DPH6: variants seen among roughly 807,000 people sequenced by gnomAD.
DPH6 encodes diphthine--ammonia ligase.
In DPH6, 33 loss-of-function variants were observed where a neutral mutation model predicts 38.2. The observed-to-expected ratio is 0.86, with a 90% CI of 0.65 to 1.15. The LOEUF is 1.15. Ranked by LOEUF, DPH6 falls within the 50% of genes most tolerant of loss-of-function variation. The pLI is 0.00. For missense variants in DPH6, 325 were observed against 320.0 expected, an observed-to-expected ratio of 1.02 and a Z score of -0.12; for synonymous variants, 108 against 103.0, an observed-to-expected ratio of 1.05 and a Z score of -0.30.
intron 3 of DPH6, among the ~76,000 whole-genome samples, chr15:35,255,914 T>C (rs1003579586): frequency 6.6e-6 from 1 of 152,140 alleles, no homozygotes; most frequent in Admixed American, 6.5e-5. Context: ...AACACACACA[T>C]CATATGTGCA....
the DPH6 span, among the ~76,000 whole-genome samples, chr15:35,146,763 T>C: frequency 6.6e-6 from 1 of 152,178 alleles, no homozygotes; most frequent in Non-Finnish European, 1.5e-5. Flanking sequence ...TATTCATATA[T>C]GGAACCTCTA....
intron 5 of DPH6, among the ~76,000 whole-genome samples, chr15:35,434,823 G>C (rs2053676153): frequency 6.6e-6 from 1 of 152,080 alleles, no homozygotes; most frequent in African/African-American, 2.4e-5. Context: ...GCCCAGGCTG[G>C]AGTGCAGTGG....
chr15:35,241,917 C>A (rs1227747137), intron 3 of DPH6, among the ~76,000 whole-genome samples: 1 of 144,110 alleles, frequency 6.9e-6, no homozygotes, highest in Non-Finnish European at 1.5e-5. Context: ...AGGATCTATG[C>A]CTTATCAACC....
intron 3 of DPH6, among the ~76,000 whole-genome samples, chr15:35,266,660 G>T (rs763568051): frequency 2.6e-5 from 4 of 152,172 alleles, no homozygotes; most frequent in Non-Finnish European, 5.9e-5. Flanking sequence ...AAAGGAGGTA[G>T]AACAGGCTAT....
At chr15:35,508,694 C>G (rs763644330) in intron 3 of DPH6, among the ~76,000 whole-genome samples, 1 of 152,088 alleles carries the variant, frequency 6.6e-6, no homozygotes, top group Admixed American at 6.6e-5. Context: ...TACTGCCGAA[C>G]AAAACATCTT....
chr15:35,498,063 G>T (rs2054579858), intron 3 of DPH6, among the ~76,000 whole-genome samples: 1 of 152,126 alleles, frequency 6.6e-6, no homozygotes, highest in African/African-American at 2.4e-5. Context: ...AGGTTGAGCA[G>T]ACTATTATGC....
intron 3 of DPH6, among the ~76,000 whole-genome samples, chr15:35,355,615 C>A (rs1311450535): frequency 1.3e-5 from 2 of 152,162 alleles, no homozygotes; most frequent in Non-Finnish European, 2.9e-5. Context: ...ATATTGGCCC[C>A]CACTCTCTTC....
chr15:35,254,708 G>A (rs1243646951), intron 3 of DPH6, among the ~76,000 whole-genome samples: 2 of 152,178 alleles, frequency 1.3e-5, no homozygotes, highest in African/African-American at 2.4e-5. Context: ...AACAGGCTTC[G>A]TGTGAGCAAT....
intron 4 of DPH6, among the ~76,000 whole-genome samples, chr15:35,452,960 C>T (rs1006249492): frequency 6.6e-6 from 1 of 152,116 alleles, no homozygotes; most frequent in African/African-American, 2.4e-5. Context: ...GAAGAAAAAA[C>T]TTTTTGTCCA....
intron 3 of DPH6, among the ~76,000 whole-genome samples, chr15:35,285,869 T>G (rs1340144632): frequency 1.5e-5 from 2 of 132,100 alleles, no homozygotes; most frequent in Non-Finnish European, 3.2e-5. Context: ...ATTTTATCTT[T>G]GAGTTTTTTT....
intron 7 of DPH6, among the ~76,000 whole-genome samples, chr15:35,376,688 A>T (rs186343055): frequency 9.9e-5 from 15 of 152,154 alleles, no homozygotes; most frequent in Admixed American, 4.6e-4. Flanking sequence ...CATTTAAAAA[A>T]TTTTTTATAT....
intron 3 of DPH6, among the ~76,000 whole-genome samples, chr15:35,259,144 CAAA>C (rs3028681): frequency 2.9e-3 from 388 of 133,806 alleles, no homozygotes; most frequent in African/African-American, 5.0e-3. Context: ...GACTCCGTCT[CAAA>C]AAAAAAAAAA....
chr15:35,517,851 AT>A (rs1288920635), intron 3 of DPH6, among the ~76,000 whole-genome samples: 2 of 150,122 alleles, frequency 1.3e-5, no homozygotes, highest in East Asian at 3.9e-4. Context: ...TCATTGTGGT[AT>A]ATAACAGCTT....
At chr15:35,431,743 A>G (rs1465101477) in intron 5 of DPH6, among the ~76,000 whole-genome samples, 1 of 150,890 alleles carries the variant, frequency 6.6e-6, no homozygotes, top group Non-Finnish European at 1.5e-5. Flanking sequence ...CATAAAAAGC[A>G]GAGAGTAGTC....
the DPH6 span, among the ~76,000 whole-genome samples, chr15:35,162,376 A>G: frequency 6.6e-6 from 1 of 151,872 alleles, no homozygotes; most frequent in Non-Finnish European, 1.5e-5. Context: ...GCCACTGTTT[A>G]TATCTCCATC....
At chr15:35,220,281 C>CCTCCCAA (rs1433222893) in exon 4 of DPH6, 3 of 152,128 alleles carry the variant, frequency 2.0e-5, no homozygotes, top group African/African-American at 4.8e-5. Context: ...TCCCACATCA[C>CCTCCCAA]CTCCCAACCT....
chr15:35,491,785 AT>A (rs1421039377), intron 3 of DPH6, among the ~76,000 whole-genome samples: 3 of 150,290 alleles, frequency 2.0e-5, no homozygotes, highest in South Asian at 2.1e-4. Context: ...GTATAGACAT[AT>A]TTTTATATAT....
chr15:35,545,802 A>T (rs1408163188), intron 1 of DPH6, among the ~76,000 whole-genome samples: 1 of 152,078 alleles, frequency 6.6e-6, no homozygotes, highest in East Asian at 1.9e-4. Flanking sequence ...GCACAGAAGT[A>T]ATTAAACCAA....
chr15:35,211,210 G>A, the DPH6 span, among the ~76,000 whole-genome samples: 1 of 152,038 alleles, frequency 6.6e-6, no homozygotes, highest in Admixed American at 6.6e-5. Context: ...ATACAGAGTG[G>A]TGGTGAATAA....
Sources: allele counts gnomAD v4.1 joint callset (sites outside exome capture counted in the v4.1 genomes callset), GRCh38; gene constraint gnomAD v4.1.1; transcripts MANE v1.5; gene names NCBI Gene and HGNC (gene_info 2026-07-23, HGNC 2026-07-21).